Variants in TGIF1 observed in about 807,000 individuals in gnomAD.
TGIF1 encodes TGFB induced factor homeobox 1, also known as homeobox protein TGIF1.
Under a neutral mutation model 19.3 loss-of-function variants are expected in TGIF1, and 4 were observed. That is an observed-to-expected ratio of 0.21 (90% CI 0.10 to 0.47). TGIF1 has a LOEUF of 0.47. TGIF1 is among the 20% of genes least tolerant of loss of function. The pLI, the probability that TGIF1 is intolerant of heterozygous loss-of-function variation, is 0.98. For synonymous variants in TGIF1, 122 were observed against 129.3 expected, an observed-to-expected ratio of 0.94 and a Z score of 0.38; for missense variants, 275 against 341.4, an observed-to-expected ratio of 0.81 and a Z score of 1.53.
At position 3,458,041 on chromosome 18, in the gene TGIF1, C is replaced by G. The variant is rs955748503; in HGVS notation, c.*101C>G. On this transcript the variant is annotated 3_prime_UTR_variant, in exon 3 of 3. Transcript: ENST00000343820. ...TATATATTTTTTATTAATATTTGCACATGGGATTGCTAAAACAGCTTCCTG... is the reference window on the plus strand; with the variant it reads ...TATATATTTTTTATTAATATTTGCAGATGGGATTGCTAAAACAGCTTCCTG... The G allele has an allele frequency of 2.4e-5, 26 of 1,085,172 alleles. No homozygotes were observed. Among genetic ancestry groups the G allele is most frequent in the Non-Finnish European group, 3.2e-5 (24 of 746,378 alleles). 67.2% of individuals were successfully genotyped at this position (1,085,172 alleles called of 1,614,324 possible).
At position 3,451,084 on chromosome 18, in the gene TGIF1, G is replaced by A. The variant is rs2082909920; in HGVS notation, c.16+579G>A. On this transcript the variant is annotated intron_variant, in intron 1 of 2. Transcript: ENST00000343820. The surrounding 1 kb of genome is among the most constrained non-coding windows in gnomAD (Gnocchi z 5.4). ...TTCTGGACCCCCTCATCGCCCTCGG[G>A]TGTAAACAGCTTTGGAAAGCTAGAC... Among the ~76,000 whole-genome samples, 1 of 152,024 alleles carries A rather than the reference G, an allele frequency of 6.6e-6. No individual in the cohort carries two copies. The highest frequency in any genetic ancestry group is 2.4e-5 in the African/African-American group (1 of 41,378).
At chr18:3,435,250 T>C (rs1205856642) in intron 2 of TGIF1, among the ~76,000 whole-genome samples, 2 of 151,840 alleles carry the variant, frequency 1.3e-5, no homozygotes, top group African/African-American at 4.8e-5. Context: ...TGGAGTGCAG[T>C]GGTGTGATCT....
chr18:3,457,494 T>G lies in TGIF1; in HGVS notation c.373T>G (p.Ser125Ala). 1 of 1,614,116 alleles carries G rather than the reference T, an allele frequency of 6.2e-7. No individual in the cohort carries two copies. The highest frequency in any genetic ancestry group is 8.5e-7 in the Non-Finnish European group (1 of 1,180,020). Residue 125 changes from serine (S) to alanine (A), a missense_variant, in exon 3 of 3, where the codon TCC (serine) becomes GCC (alanine). By Grantham distance (99) the Ser-to-Ala change is moderately conservative (BLOSUM62 1). Coordinates refer to ENST00000343820, the MANE Select transcript of TGIF1 (RefSeq NM_003244.4). This position sits in a 1 kb window ranked among gnomAD's most constrained non-coding sequence, Gnocchi z 4.9. ...AKISETSSVE[S>A]VMGIKNFMPA... ...GATTTCTGAAACGAGCTCTGTGGAG[T>G]CCGTGATGGGCATCAAAAACTTCAT... is the stretch of plus-strand genomic sequence containing the variant.
chr18:3,426,230 A>T (rs1241944111), intron 2 of TGIF1, among the ~76,000 whole-genome samples: 1 of 142,314 alleles, frequency 7.0e-6, no homozygotes, highest in Non-Finnish European at 1.5e-5. Context: ...GTGCAGTGAC[A>T]CAATCTTGGC....
intron 2 of TGIF1, among the ~76,000 whole-genome samples, chr18:3,423,022 C>T (rs1020957516): frequency 3.9e-5 from 6 of 152,116 alleles, no homozygotes; most frequent in Non-Finnish European, 8.8e-5. Context: ...TTTTACTATA[C>T]ATGTTCTAGG....
chr18:3,438,131 G>T (rs1598876749), intron 2 of TGIF1, among the ~76,000 whole-genome samples: 1 of 152,072 alleles, frequency 6.6e-6, no homozygotes, highest in Non-Finnish European at 1.5e-5. Context: ...GTTAGTGTAG[G>T]TTGTTGTTGT....
At chr18:3,421,660 T>C (rs892375289) in intron 2 of TGIF1, among the ~76,000 whole-genome samples, 2 of 151,784 alleles carry the variant, frequency 1.3e-5, no homozygotes, top group Non-Finnish European at 2.9e-5. Context: ...GATCCACCCA[T>C]CTCGGCCGCC....
chr18:3,427,292 C>CT (rs111682284), intron 2 of TGIF1, among the ~76,000 whole-genome samples: 360 of 145,018 alleles, frequency 2.5e-3, no homozygotes, highest in South Asian at 8.1e-3. Flanking sequence ...TACATTCTCC[C>CT]TTTTTTTTTT....
upstream of TGIF1, among the ~76,000 whole-genome samples, chr18:3,446,875 C>G (rs9966205): frequency 0.016 from 2,426 of 152,306 alleles, 62 homozygotes; most frequent in African/African-American, 0.053. Context: ...GATCCAATGA[C>G]TGGGTGAGTC....
At chr18:3,446,936 A>G (rs1030649516), upstream of TGIF1, among the ~76,000 whole-genome samples, 10 of 152,202 alleles carry the variant, frequency 6.6e-5, no homozygotes, top group Non-Finnish European at 7.3e-5. Flanking sequence ...TGCTTTATCA[A>G]TTGTTGTTGA....
At chr18:3,429,195 T>C (rs758931875) in intron 2 of TGIF1, among the ~76,000 whole-genome samples, 6 of 152,240 alleles carry the variant, frequency 3.9e-5, no homozygotes, top group Non-Finnish European at 8.8e-5. Flanking sequence ...TATTTGAGAC[T>C]ACAGGCACGT....
At chr18:3,452,188 C>T (rs760499860) in intron 1 of TGIF1, 3 of 1,611,538 alleles carry the variant, frequency 1.9e-6, no homozygotes, top group Non-Finnish European at 8.5e-7. Flanking sequence ...TCCCTGGCGA[C>T]CCCCTCTGCG....
chr18:3,421,989 T>C (rs1311561640), intron 2 of TGIF1, among the ~76,000 whole-genome samples: 14 of 151,442 alleles, frequency 9.2e-5, no homozygotes, highest in Admixed American at 9.2e-4. Flanking sequence ...AGGTCAGGAG[T>C]TCGAGACTAG....
chr18:3,448,032 G>C, upstream of TGIF1: 5 of 983,312 alleles, frequency 5.1e-6, no homozygotes, highest in Non-Finnish European at 6.0e-6. Context: ...AGAACCACGG[G>C]GAAGAGGGAA....
At chr18:3,416,401 C>A (rs528914379) in intron 1 of TGIF1, among the ~76,000 whole-genome samples, 1 of 152,062 alleles carries the variant, frequency 6.6e-6, no homozygotes, top group Non-Finnish European at 1.5e-5. Flanking sequence ...CGCCTGTAAT[C>A]CCAGCTACAG....
intron 2 of TGIF1, among the ~76,000 whole-genome samples, chr18:3,423,777 C>A (rs1172622965): frequency 6.6e-6 from 1 of 151,998 alleles, no homozygotes; most frequent in Non-Finnish European, 1.5e-5. Context: ...ATCACTGGAG[C>A]CCAGGAGGTC....
Position 3,426,166 on chromosome 18 carries a change from C to CT in TGIF1, c.-45+7971dup, listed in dbSNP as rs10675936. 7.4e-3 allele frequency among the ~76,000 whole-genome samples: 859 copies of CT among 116,574 alleles called. 20 individuals are homozygous for CT. The highest frequency in any genetic ancestry group is 0.017 in the African/African-American group (473 of 27,264). 76.5% of individuals were successfully genotyped at this position (116,574 alleles called of 152,430 possible). A position where few individuals can be genotyped will look rare whatever the true frequency, so the allele number is the denominator to read the frequency against. ...CTCAGGCCCAGTTCTGGCTAGGGTC[C>CT]TTTTTTTTTTTTTTTTTTTTGAGAC... is the stretch of plus-strand genomic sequence containing the variant. On this transcript the variant is annotated intron_variant, in intron 2 of 3. Coordinates refer to the TGIF1 transcript ENST00000401449.
At chr18:3,454,808 CTT>C (rs1342377176) in intron 1 of TGIF1, among the ~76,000 whole-genome samples, 1 of 152,204 alleles carries the variant, frequency 6.6e-6, no homozygotes, top group African/African-American at 2.4e-5. Flanking sequence ...TCATCCACCT[CTT>C]TGTTAGAACT....
chr18:3,416,895 C>T (rs1037388033), intron 1 of TGIF1, among the ~76,000 whole-genome samples: 17 of 152,162 alleles, frequency 1.1e-4, no homozygotes, highest in African/African-American at 4.1e-4. Context: ...CATCCCATTG[C>T]ACTCCAGCCT....
Sources: allele counts gnomAD v4.1 joint callset (sites outside exome capture counted in the v4.1 genomes callset), GRCh38; gene constraint gnomAD v4.1.1; non-coding constraint Gnocchi (gnomAD v3.1); transcripts MANE v1.5; gene names NCBI Gene and HGNC (gene_info 2026-07-23, HGNC 2026-07-21).